RAB12: variants seen among roughly 807,000 people sequenced by gnomAD.
RAB12 encodes the protein ras-related protein Rab-12.
A neutral mutation model predicts 28.4 loss-of-function variants in RAB12; 11 were observed. The ratio of observed to expected loss-of-function variants is 0.39; its 90% confidence interval spans 0.24 to 0.64. The LOEUF (loss-of-function observed/expected upper bound fraction) is 0.64, where lower values mean the gene tolerates loss of function less well. Among genes scored for constraint, RAB12 ranks in the 30% least tolerant of loss-of-function variants. The pLI is 0.50. For synonymous variants in RAB12, 138 were observed against 145.3 expected, an observed-to-expected ratio of 0.95 and a Z score of 0.36; for missense variants, 276 against 351.1, an observed-to-expected ratio of 0.79 and a Z score of 1.71.
In RAB12 at chr18:8,625,007, G is replaced by A; in HGVS notation, c.575+9G>A. On this transcript the variant is annotated intron_variant, in intron 2 of 5. Coordinates refer to ENST00000649141, the MANE Select transcript of RAB12 (RefSeq NM_001025300.3). ...ATTAGATTACAGATCTGGTAAGTGG[G>A]AGAGTGTGCACCCAGTAATGTGCTG... 6.3e-7 allele frequency: 1 copy of A among 1,574,910 alleles called. No homozygotes were observed. The highest frequency in any genetic ancestry group is 8.7e-7 in the Non-Finnish European group (1 of 1,144,944).
At chr18:8,613,148 A>G (rs2096004778) in intron 1 of RAB12, among the ~76,000 whole-genome samples, 2 of 148,586 alleles carry the variant, frequency 1.3e-5, no homozygotes. Flanking sequence ...TATGAAAAAC[A>G]GAGGTTGTAT....
intron 1 of RAB12, among the ~76,000 whole-genome samples, chr18:8,623,831 T>C (rs1378275674): frequency 2.0e-5 from 3 of 152,258 alleles, no homozygotes. Flanking sequence ...ACTTCTCTCC[T>C]AGGGCAGGAG....
chr18:8,634,283 CT>C (rs752637908), intron 3 of RAB12, among the ~76,000 whole-genome samples: 11,673 of 92,574 alleles, frequency 0.13, 628 homozygotes, highest in African/African-American at 0.2. Context: ...CTCTCTCTCT[CT>C]TTTTTTTTTT....
chr18:8,624,202 G>A (rs970525273), intron 1 of RAB12, among the ~76,000 whole-genome samples: 9 of 152,220 alleles, frequency 5.9e-5, no homozygotes, highest in African/African-American at 1.9e-4. Flanking sequence ...TATGAAAATT[G>A]TGTAATAAAA....
At chr18:8,622,118 G>A (rs1174177681) in intron 1 of RAB12, among the ~76,000 whole-genome samples, 1 of 152,176 alleles carries the variant, frequency 6.6e-6, no homozygotes, top group Non-Finnish European at 1.5e-5. Flanking sequence ...TCAAAACAAA[G>A]ATTATCTGCT....
intron 2 of RAB12, among the ~76,000 whole-genome samples, chr18:8,626,993 T>A (rs1321328022): frequency 6.6e-6 from 1 of 152,250 alleles, no homozygotes; most frequent in East Asian, 1.9e-4. Context: ...ATTTTGTTGA[T>A]CACATAATAC....
intron 1 of RAB12, 114 bp downstream of exon 1, chr18:8,610,067 C>T: frequency 1.3e-6 from 1 of 754,180 alleles, no homozygotes; most frequent in Non-Finnish European, 2.2e-6. Flanking sequence ...ATGGGCCTCT[C>T]GGTGAAACTA....
intron 1 of RAB12, among the ~76,000 whole-genome samples, chr18:8,611,758 G>A (rs529782217): frequency 6.6e-6 from 1 of 152,314 alleles, no homozygotes; most frequent in East Asian, 1.9e-4. Flanking sequence ...GAGGCAAGGA[G>A]ACCAAGCAGT....
chr18:8,620,408 AG>A (rs2096009257), intron 1 of RAB12, among the ~76,000 whole-genome samples: 1 of 152,066 alleles, frequency 6.6e-6, no homozygotes, highest in Non-Finnish European at 1.5e-5. Flanking sequence ...TAGTGTGTGT[AG>A]GGAGAGGCTG....
chr18:8,613,419 GC>G, intron 1 of RAB12, among the ~76,000 whole-genome samples: 1 of 152,238 alleles, frequency 6.6e-6, no homozygotes, highest in African/African-American at 2.4e-5. Context: ...ATCTGTGTGT[GC>G]TTTTGCAAGT....
chr18:8,623,492 A>G (rs1273161074), intron 1 of RAB12, among the ~76,000 whole-genome samples: 1 of 152,224 alleles, frequency 6.6e-6, no homozygotes, highest in Non-Finnish European at 1.5e-5. Context: ...TTTTGTCATT[A>G]AACTGTGCTG....
At chr18:8,625,891 C>CATT (rs901547138) in intron 2 of RAB12, among the ~76,000 whole-genome samples, 58 of 152,282 alleles carry the variant, frequency 3.8e-4, no homozygotes, top group African/African-American at 1.3e-3. Flanking sequence ...CATCGGTCAC[C>CATT]TAATGCTTGA....
intron 2 of RAB12, among the ~76,000 whole-genome samples, chr18:8,631,494 C>T (rs907622091): frequency 3.9e-5 from 6 of 152,202 alleles, no homozygotes; most frequent in African/African-American, 1.2e-4. Context: ...CTGCTGGCTG[C>T]AGAGCGGCTC....
In RAB12 at chr18:8,638,122, A is replaced by ATT. The variant is rs745763608; in HGVS notation, c.910-19_910-18dup. On this transcript the variant is annotated intron_variant, in intron 5 of 5. Coordinates refer to ENST00000649141, the MANE Select transcript of RAB12 (RefSeq NM_001025300.3). ...TGTGTACCTTGTAAAGTTAAAACGG[A>ATT]TTTTTTTTTGTTTGTTTATACGTTA... The ATT allele has an allele frequency of 1.1e-5, 17 of 1,503,562 alleles. No individual in the cohort carries two copies. In the South Asian group the frequency reaches 1.7e-4, roughly 15 times the overall value. 93.1% of individuals were successfully genotyped at this position (1,503,562 alleles called of 1,614,324 possible).
chr18:8,621,073 T>C (rs2096009644), intron 1 of RAB12, among the ~76,000 whole-genome samples: 2 of 152,230 alleles, frequency 1.3e-5, no homozygotes, highest in Non-Finnish European at 2.9e-5. Context: ...TTAGTCAAGA[T>C]AACCTGTAGG....
intron 1 of RAB12, among the ~76,000 whole-genome samples, chr18:8,622,425 A>G (rs1387975030): frequency 3.3e-5 from 5 of 152,186 alleles, no homozygotes; most frequent in Non-Finnish European, 7.3e-5. Context: ...CTGGGCATCC[A>G]GGGGAGACGT....
chr18:8,622,139 C>T (rs2096010198), intron 1 of RAB12, among the ~76,000 whole-genome samples: 1 of 152,176 alleles, frequency 6.6e-6, no homozygotes, highest in Non-Finnish European at 1.5e-5. Context: ...CTAGCTGTTT[C>T]AGGGACTCTT....
chr18:8,614,013 T>C (rs1387177660), intron 1 of RAB12, among the ~76,000 whole-genome samples: 1 of 152,206 alleles, frequency 6.6e-6, no homozygotes, highest in African/African-American at 2.4e-5. Flanking sequence ...CAGCAAGTGG[T>C]CAGGGCCAAG....
intron 2 of RAB12, among the ~76,000 whole-genome samples, chr18:8,629,744 A>T (rs942669430): frequency 6.6e-6 from 1 of 152,198 alleles, no homozygotes; most frequent in African/African-American, 2.4e-5. Flanking sequence ...CAGAAATTGT[A>T]ACAGCATGGC....
Sources: gnomAD v4.1 joint callset for allele counts (sites outside exome capture counted in the v4.1 genomes callset) on GRCh38, gnomAD v4.1.1 for gene constraint, MANE v1.5 for transcripts, NCBI Gene and HGNC (gene_info 2026-07-23, HGNC 2026-07-21) for gene names.